The following FAM168A variants were observed in gnomAD, a reference collection of about 807,000 sequenced individuals.
FAM168A encodes protein FAM168A.
Under a neutral mutation model 28.5 loss-of-function variants are expected in FAM168A, and 3 were observed. The observed-to-expected ratio is 0.11, with a 90% CI of 0.05 to 0.27. The LOEUF is 0.27. FAM168A is among the 10% of genes least tolerant of loss of function. FAM168A has a pLI of 1.00. For synonymous variants in FAM168A, 122 were observed against 124.2 expected (o/e 0.98, Z 0.12); for missense variants, 222 against 311.5 (o/e 0.71, Z 2.16).
rs552232313 is a variant in FAM168A, at chr11:73,468,334, G to C, written c.70+71C>G. ...GACTTTTGGAGGTATACGTTAGGAGGAGGAGCAAGTTATTTGGTAATATCC... is the reference window on the plus strand; with the variant it reads ...GACTTTTGGAGGTATACGTTAGGAGCAGGAGCAAGTTATTTGGTAATATCC... On this transcript the variant is annotated intron_variant, in intron 2 of 7. Coordinates refer to ENST00000356467, the MANE Select transcript of FAM168A (RefSeq NM_015159.3). 2.8e-5 allele frequency: 40 copies of C among 1,435,438 alleles called. 1 individual carries two copies. The South Asian group carries it at 4.4e-4, about 16-fold the overall frequency. The allele number at this position is 1,435,438 out of a possible 1,614,324, so 88.9% of individuals were successfully genotyped here.
At chr11:73,478,216 C>T (rs773137887) in intron 1 of FAM168A, among the ~76,000 whole-genome samples, 12 of 152,232 alleles carry the variant, frequency 7.9e-5, no homozygotes, top group Admixed American at 3.3e-4. Context: ...AATTAAGATG[C>T]ATATTTAATC....
chr11:73,417,405 C>T (rs1013609451), intron 4 of FAM168A, among the ~76,000 whole-genome samples: 2 of 152,172 alleles, frequency 1.3e-5, no homozygotes, highest in African/African-American at 2.4e-5. Flanking sequence ...TGCTACACTA[C>T]AGTAGGTGTG....
intron 1 of FAM168A, among the ~76,000 whole-genome samples, chr11:73,545,383 A>C (rs1404706864): frequency 1.3e-5 from 2 of 151,984 alleles, no homozygotes; most frequent in African/African-American, 4.8e-5. Flanking sequence ...CACATATTAT[A>C]TTATTCCATT....
intron 1 of FAM168A, among the ~76,000 whole-genome samples, chr11:73,547,879 T>C (rs749902476): frequency 2.7e-5 from 4 of 150,618 alleles, no homozygotes; most frequent in Admixed American, 2.6e-4. Context: ...GGTATATACA[T>C]ACAAAGGAAT....
At chr11:73,544,982 ATTT>A (rs1156468195) in intron 1 of FAM168A, among the ~76,000 whole-genome samples, 49 of 80,320 alleles carry the variant, frequency 6.1e-4, no homozygotes, top group Admixed American at 1.1e-3. Flanking sequence ...TATATAATAT[ATTT>A]TATATATAGT....
chr11:73,408,216 C>T (rs1320850573), intron 6 of FAM168A, among the ~76,000 whole-genome samples: 3 of 152,178 alleles, frequency 2.0e-5, no homozygotes, highest in Non-Finnish European at 2.9e-5. Context: ...CACAATCATA[C>T]TGAGTAGTAA....
intron 1 of FAM168A, among the ~76,000 whole-genome samples, chr11:73,499,866 T>C (rs535470537): frequency 1.3e-5 from 2 of 152,136 alleles, no homozygotes; most frequent in South Asian, 4.2e-4. Flanking sequence ...CCAACAAATA[T>C]GGGACTTCAT....
intron 1 of FAM168A, among the ~76,000 whole-genome samples, chr11:73,584,535 G>A (rs747257903): frequency 2.1e-5 from 3 of 145,934 alleles, no homozygotes; most frequent in Non-Finnish European, 3.0e-5. Context: ...GTGCAGTGGC[G>A]CAATCTCGGC....
chr11:73,452,470 T>C (rs1303187659), intron 2 of FAM168A: 1 of 152,316 alleles, frequency 6.6e-6, no homozygotes, highest in African/African-American at 2.4e-5. Flanking sequence ...ATGTGCCATA[T>C]ACCATCTTCA....
chr11:73,419,397 T>C (rs1023072962), intron 4 of FAM168A, among the ~76,000 whole-genome samples: 3 of 152,184 alleles, frequency 2.0e-5, no homozygotes, highest in Non-Finnish European at 1.5e-5. Context: ...ACAATGAGGC[T>C]TTCCTACTGG....
chr11:73,471,776 AATTT>A (rs1867817319), intron 1 of FAM168A, among the ~76,000 whole-genome samples: 1 of 152,216 alleles, frequency 6.6e-6, no homozygotes, highest in South Asian at 2.1e-4. Context: ...GAACAACAAA[AATTT>A]CTGCTTACAT....
chr11:73,585,165 T>C (rs894548203), intron 1 of FAM168A, among the ~76,000 whole-genome samples: 1 of 152,226 alleles, frequency 6.6e-6, no homozygotes, highest in Non-Finnish European at 1.5e-5. Flanking sequence ...AAAGGTGTTT[T>C]AAAAGACAAA....
chr11:73,523,843 T>C (rs891798967), intron 1 of FAM168A, among the ~76,000 whole-genome samples: 5 of 139,002 alleles, frequency 3.6e-5, no homozygotes, highest in African/African-American at 1.3e-4. Context: ...ACTGCATATC[T>C]GAAAATGTCT....
intron 1 of FAM168A, among the ~76,000 whole-genome samples, chr11:73,558,751 CAT>C (rs1943919309): frequency 6.6e-6 from 1 of 151,956 alleles, no homozygotes; most frequent in South Asian, 2.1e-4. Flanking sequence ...TATATTATGC[CAT>C]ACTCATTACA....
rs1158088238 is a variant in FAM168A at position 73,430,789 on chromosome 11, A to G, written c.71-19T>C. 1 of 1,543,694 alleles carries G rather than the reference A, an allele frequency of 6.5e-7. No individual in the cohort carries two copies. ...GGGTAACCTACAGAGAGATAAGAAAAGGCTTATTTAGTTAGGCAAAAAAAA... is the reference window on the plus strand; with the variant it reads ...GGGTAACCTACAGAGAGATAAGAAAGGGCTTATTTAGTTAGGCAAAAAAAA... On this transcript the variant is annotated intron_variant, in intron 2 of 7. Coordinates refer to ENST00000356467, the MANE Select transcript of FAM168A (RefSeq NM_015159.3).
At chr11:73,587,960 G>A (rs896955046) in intron 1 of FAM168A, among the ~76,000 whole-genome samples, 1 of 152,086 alleles carries the variant, frequency 6.6e-6, no homozygotes, top group African/African-American at 2.4e-5. Context: ...ATGTTAGCCA[G>A]GCTAGTCTCA....
intron 3 of FAM168A, among the ~76,000 whole-genome samples, chr11:73,421,448 A>G (rs917102431): frequency 1.3e-5 from 2 of 152,234 alleles, no homozygotes; most frequent in African/African-American, 4.8e-5. Context: ...GAAGGAAATC[A>G]TGGGCAGGAA....
rs750787184 is a variant in FAM168A, at chr11:73,402,798, T to G, written c.*3965A>C. ...CCAAGTGAGGCCTTTAGTTGCAAAT[T>G]CTCATCCTCCTTGTGCTGCCAGTTA... On this transcript the variant is annotated 3_prime_UTR_variant, in exon 8 of 8. Coordinates refer to ENST00000356467, the MANE Select transcript of FAM168A (RefSeq NM_015159.3). The G allele has an allele frequency of 5.9e-5, 9 of 152,232 alleles. No individual in the cohort carries two copies. The highest frequency in any genetic ancestry group is 1.0e-4 in the Non-Finnish European group (7 of 68,062). 9.4% of individuals were successfully genotyped at this position (152,232 alleles called of 1,614,324 possible).
At chr11:73,435,766 C>T (rs944422641) in intron 2 of FAM168A, among the ~76,000 whole-genome samples, 1 of 152,112 alleles carries the variant, frequency 6.6e-6, no homozygotes, top group African/African-American at 2.4e-5. Flanking sequence ...TGACACATGA[C>T]TGTACACTGA....
Sources: gnomAD v4.1 joint callset for allele counts (sites outside exome capture counted in the v4.1 genomes callset) on GRCh38, gnomAD v4.1.1 for gene constraint, MANE v1.5 for transcripts, NCBI Gene and HGNC (gene_info 2026-07-23, HGNC 2026-07-21) for gene names.